Variants in ZNF804A observed in about 807,000 individuals in gnomAD.
The protein encoded by ZNF804A is zinc finger protein 804A.
Under a neutral mutation model 16.5 loss-of-function variants are expected in ZNF804A, and 2 were observed. That is an observed-to-expected ratio of 0.12 (90% CI 0.05 to 0.38). ZNF804A has a LOEUF of 0.38. Ranked by LOEUF, ZNF804A falls within the 10% of genes least tolerant of loss-of-function variation. ZNF804A has a pLI of 0.99. For missense variants in ZNF804A, 1,473 were observed against 1,390.7 expected, an observed-to-expected ratio of 1.06 and a Z score of -0.94; for synonymous variants, 534 against 489.6, an observed-to-expected ratio of 1.09 and a Z score of -1.20.
chr2:184,604,402 T>A (rs905054234), intron 1 of ZNF804A, among the ~76,000 whole-genome samples: 7 of 151,878 alleles, frequency 4.6e-5, no homozygotes, highest in African/African-American at 7.3e-5. Flanking sequence ...CTCGATCTCC[T>A]GACCTCATGA....
Position 184,695,371 on chromosome 2 carries a change from G to A in ZNF804A, c.111+96301G>A, listed in dbSNP as rs557197527. Among the ~76,000 whole-genome samples the A allele has an allele frequency of 6.1e-5, 9 of 147,088 alleles. No individual in the cohort carries two copies. In the South Asian group the frequency reaches 2.0e-3, roughly 32 times the overall value. On this transcript the variant is annotated intron_variant, in intron 1 of 3. Coordinates refer to ENST00000302277, the MANE Select transcript of ZNF804A (RefSeq NM_194250.2). ...AGCTACTCGGGAGGCTGAGGCAGGA[G>A]AATGGCGTGAACCCGGTAGGCGGAG... is the stretch of plus-strand genomic sequence containing the variant.
At chr2:184,728,953 C>T (rs1693467530) in intron 1 of ZNF804A, among the ~76,000 whole-genome samples, 1 of 151,850 alleles carries the variant, frequency 6.6e-6, no homozygotes, top group Non-Finnish European at 1.5e-5. Flanking sequence ...AAAACAAATA[C>T]TGAATGATTT....
chr2:184,690,191 GA>G (rs11447687), intron 1 of ZNF804A, among the ~76,000 whole-genome samples: 460 of 137,736 alleles, frequency 3.3e-3, no homozygotes, highest in Non-Finnish European at 4.8e-3. Flanking sequence ...AAAGTCTCAG[GA>G]AAAAAAAAAA....
chr2:184,937,173 A>G lies in ZNF804A; in HGVS notation c.1777A>G (p.Ser593Gly), dbSNP rs113810390. ...KETHEYWFHK[S>G]RRKKKRKKLC... ...GACCCATGAATACTGGTTCCATAAA[A>G]GTAGAAGAAAGAAAAAAAGAAAAAA... The change falls in exon 4 of 4, where the codon AGT becomes GGT. Residue 593 changes from serine (S) to glycine (G), a missense_variant. Coordinates refer to ENST00000302277, the MANE Select transcript of ZNF804A (RefSeq NM_194250.2). The G allele has an allele frequency of 4.4e-6, 7 of 1,599,194 alleles. No individual in the cohort carries two copies. The highest frequency in any genetic ancestry group is 1.8e-5 in the Admixed American group (1 of 55,454).
chr2:184,604,146 C>CTTTTTTTTTT lies in ZNF804A; in HGVS notation c.111+5108_111+5117dup, dbSNP rs759053144. ...TTCAGGTTATGGATGACTGCAATTACTTTTTTTTTTTTTTTTTTTTTTTTT... is the reference window on the plus strand; with the variant it reads ...TTCAGGTTATGGATGACTGCAATTACTTTTTTTTTTTTTTTTTTTTTTTTTTTTTTTTTTT... On this transcript the variant is annotated intron_variant, in intron 1 of 3. Coordinates refer to ENST00000302277, the MANE Select transcript of ZNF804A (RefSeq NM_194250.2). Among the ~76,000 whole-genome samples the CTTTTTTTTTT allele has an allele frequency of 4.0e-3, 180 of 44,882 alleles. 54 individuals are homozygous for CTTTTTTTTTT. The highest frequency in any genetic ancestry group is 5.5e-3 in the Non-Finnish European group (126 of 22,806). 29.4% of individuals were successfully genotyped at this position (44,882 alleles called of 152,430 possible).
chr2:184,789,246 T>C (rs562890066), intron 1 of ZNF804A, among the ~76,000 whole-genome samples: 92 of 152,262 alleles, frequency 6.0e-4, no homozygotes, highest in Middle Eastern at 6.8e-3. Context: ...GCTAGCATTT[T>C]GCTGATTTTT....
rs542888322 is a variant in ZNF804A at position 184,620,226 on chromosome 2, T to C, written c.111+21156T>C. ...CTGATCTGTTTTGTTTGCCAAATAT[T>C]GCGTTATAATTCTTTAACATTCCTT... is the stretch of plus-strand genomic sequence containing the variant. On this transcript the variant is annotated intron_variant, in intron 1 of 3. Transcript: ENST00000302277. Among the ~76,000 whole-genome samples, 9 of 151,936 alleles carry C rather than the reference T, an allele frequency of 5.9e-5. No individual in the cohort carries two copies. In the East Asian group the frequency reaches 1.7e-3, roughly 29 times the overall value.
chr2:184,621,989 T>C (rs1691428121), intron 1 of ZNF804A, among the ~76,000 whole-genome samples: 1 of 151,852 alleles, frequency 6.6e-6, no homozygotes. Context: ...AACATCTCAA[T>C]TAGTCATTAA....
chr2:184,633,760 G>A (rs867023174), intron 1 of ZNF804A, among the ~76,000 whole-genome samples: 2 of 152,094 alleles, frequency 1.3e-5, no homozygotes, highest in South Asian at 2.1e-4. Context: ...CAACCTGAAT[G>A]TTTAATGTAA....
chr2:184,726,518 T>C lies in ZNF804A; in HGVS notation c.111+127448T>C, dbSNP rs1693412871. Among the ~76,000 whole-genome samples the C allele has an allele frequency of 2.6e-5, 4 of 151,612 alleles. No individual in the cohort carries two copies. The South Asian group carries it at 6.2e-4, about 24-fold the overall frequency. ...ATTCAGAGAGAAAAAAAAATGTATT[T>C]CCAATTGGATAGGGCTGAAACCAGA... On this transcript the variant is annotated intron_variant, in intron 1 of 3. Coordinates refer to ENST00000302277, the MANE Select transcript of ZNF804A (RefSeq NM_194250.2).
At chr2:184,627,372 T>A (rs1268537200) in intron 1 of ZNF804A, among the ~76,000 whole-genome samples, 1 of 152,186 alleles carries the variant, frequency 6.6e-6, no homozygotes, top group Admixed American at 6.5e-5. Context: ...ATGTTAATTA[T>A]ACAGATATCT....
intron 1 of ZNF804A, among the ~76,000 whole-genome samples, chr2:184,823,134 G>A (rs1246486610): frequency 6.6e-6 from 1 of 152,010 alleles, no homozygotes; most frequent in Non-Finnish European, 1.5e-5. Flanking sequence ...ATTTGGTGAA[G>A]GCCTGGTCTC....
At chr2:184,723,945 G>T (rs534939385) in intron 1 of ZNF804A, among the ~76,000 whole-genome samples, 26 of 151,828 alleles carry the variant, frequency 1.7e-4, no homozygotes, top group African/African-American at 6.3e-4. Flanking sequence ...AAAGTTAGTT[G>T]ACATATTGAC....
chr2:184,715,360 C>T (rs994243358), intron 1 of ZNF804A, among the ~76,000 whole-genome samples: 6 of 152,064 alleles, frequency 3.9e-5, no homozygotes, highest in African/African-American at 1.4e-4. Flanking sequence ...CTTTACCTTA[C>T]TCTAAGAATA....
chr2:184,654,919 C>A (rs192744153), intron 1 of ZNF804A, among the ~76,000 whole-genome samples: 2 of 152,236 alleles, frequency 1.3e-5, no homozygotes, highest in South Asian at 2.1e-4. Context: ...GGTGATGTAC[C>A]TTGCCTATTT....
chr2:184,640,227 G>C (rs186112416), intron 1 of ZNF804A, among the ~76,000 whole-genome samples: 332 of 151,686 alleles, frequency 2.2e-3, no homozygotes, highest in Non-Finnish European at 3.9e-3. Context: ...GGAAGAAGGA[G>C]GAGGAGGAGG....
intron 1 of ZNF804A, among the ~76,000 whole-genome samples, chr2:184,606,697 G>GA (rs1691151951): frequency 6.6e-6 from 1 of 152,146 alleles, no homozygotes; most frequent in Non-Finnish European, 1.5e-5. Flanking sequence ...CCTTTCTGGA[G>GA]AAAAAATTCT....
intron 1 of ZNF804A, among the ~76,000 whole-genome samples, chr2:184,729,364 C>A (rs1693474400): frequency 6.6e-6 from 1 of 151,634 alleles, no homozygotes; most frequent in African/African-American, 2.4e-5. Context: ...TAAAGGGTCT[C>A]AGCTCAGTAA....
chr2:184,914,408 G>T (rs1159780328), intron 2 of ZNF804A, among the ~76,000 whole-genome samples: 1 of 152,120 alleles, frequency 6.6e-6, no homozygotes, highest in Non-Finnish European at 1.5e-5. Flanking sequence ...TCTGGCAAGG[G>T]ACAAACTTAG....
Sources: allele counts gnomAD v4.1 joint callset (sites outside exome capture counted in the v4.1 genomes callset), GRCh38; gene constraint gnomAD v4.1.1; transcripts MANE v1.5; gene names NCBI Gene and HGNC (gene_info 2026-07-23, HGNC 2026-07-21).